The following POLN variants were observed in gnomAD, a reference collection of about 807,000 sequenced individuals.
POLN encodes DNA polymerase nu.
A neutral mutation model predicts 113.5 loss-of-function variants in POLN; 108 were observed. The observed-to-expected ratio is 0.95, with a 90% CI of 0.81 to 1.12. The LOEUF (loss-of-function observed/expected upper bound fraction) is 1.12, where lower values mean the gene tolerates loss of function less well. Among genes scored for constraint, POLN ranks in the 50% most tolerant of loss-of-function variants. POLN has a pLI of 0.00. For missense variants in POLN, 1,097 were observed against 1,077.1 expected, an observed-to-expected ratio of 1.02 and a Z score of -0.26; for synonymous variants, 386 against 391.5, an observed-to-expected ratio of 0.99 and a Z score of 0.17.
chr4:2,170,914 AC>A (rs1307412081), intron 12 of POLN, 140 bp from the exon 13 acceptor site: 5 of 923,618 alleles, frequency 5.4e-6, no homozygotes, highest in Non-Finnish European at 3.3e-6. Flanking sequence ...CTCATTTAGT[AC>A]TTTTCTACAA....
chr4:2,189,087 A>G (rs1733367956), intron 7 of POLN, among the ~76,000 whole-genome samples: 1 of 152,200 alleles, frequency 6.6e-6, no homozygotes, highest in South Asian at 2.1e-4. Context: ...AAATACACAC[A>G]CACACAAAAA....
intron 4 of POLN, among the ~76,000 whole-genome samples, chr4:2,209,377 G>C (rs535005026): frequency 6.6e-6 from 1 of 151,552 alleles, no homozygotes; most frequent in South Asian, 2.1e-4. Context: ...CTACTCAGGA[G>C]GCTGAGGCAG....
intron 20 of POLN, among the ~76,000 whole-genome samples, chr4:2,095,016 TAAG>T (rs1025401145): frequency 6.6e-6 from 1 of 151,892 alleles, no homozygotes; most frequent in Non-Finnish European, 1.5e-5. Context: ...TGAACAGGCT[TAAG>T]AAGGAGCTGG....
intron 19 of POLN, among the ~76,000 whole-genome samples, chr4:2,124,608 G>A (rs997687111): frequency 9.9e-5 from 15 of 152,102 alleles, no homozygotes; most frequent in African/African-American, 3.6e-4. Context: ...TGAATTTTAT[G>A]GTCTGTGAAT....
At chr4:2,165,516 G>C (rs2108744639) in intron 13 of POLN, among the ~76,000 whole-genome samples, 1 of 152,276 alleles carries the variant, frequency 6.6e-6, no homozygotes, top group South Asian at 2.1e-4. Flanking sequence ...TCATACATTT[G>C]TCTAAACCTA....
rs773558169 is a variant in POLN at position 2,208,339 on chromosome 4, T to C, written c.362A>G (p.Gln121Arg). 2.5e-6 allele frequency: 4 copies of C among 1,613,402 alleles called. No individual in the cohort carries two copies. The highest frequency in any genetic ancestry group is 3.4e-6 in the Non-Finnish European group (4 of 1,179,782). ...TAGAACTGAAGCCTCTTGATTATAC[T>C]GTGGAATTAAACAACTTGAAAGAGT... The part of the protein sequence containing the change: ...SLTLSSCLIP[Q>R]YNQEASVLQK... The change falls in exon 5 of 26, where the codon CAG (glutamine) becomes CGG (arginine). Residue 121 changes from glutamine to arginine, a missense_variant. Coordinates refer to ENST00000511885, the MANE Select transcript of POLN (RefSeq NM_181808.4).
chr4:2,212,862 A>G (rs1285114979), intron 4 of POLN, among the ~76,000 whole-genome samples, 185 bp downstream of exon 4: 5 of 151,892 alleles, frequency 3.3e-5, no homozygotes, highest in African/African-American at 1.2e-4. Flanking sequence ...AACTTCTCTC[A>G]TGGCACCTAC....
chr4:2,239,406 T>C (rs1292291292), intron 2 of POLN, among the ~76,000 whole-genome samples: 2 of 152,238 alleles, frequency 1.3e-5, no homozygotes, highest in Admixed American at 6.5e-5. Flanking sequence ...AGTTGGCCAG[T>C]TGATTTTAGC....
chr4:2,165,168 A>G lies in POLN; in HGVS notation c.1554+5511T>C, dbSNP rs572614315. 3.3e-5 allele frequency among the ~76,000 whole-genome samples: 5 copies of G among 152,338 alleles called. No individual in the cohort carries two copies. The South Asian group carries it at 1.0e-3, about 32-fold the overall frequency. ...TTTATTTGTAATTGCCAAAACTTGG[A>G]AACAACCAAGATGTTCTTCGTAGGT... On this transcript the variant is annotated intron_variant, in intron 13 of 25. Coordinates refer to ENST00000511885, the MANE Select transcript of POLN (RefSeq NM_181808.4).
chr4:2,236,419 C>CT (rs1560104524), intron 2 of POLN: 2 of 1,613,022 alleles, frequency 1.2e-6, no homozygotes, highest in Non-Finnish European at 1.7e-6. Context: ...AGAAACAATT[C>CT]TTTTTTCTTA....
intron 2 of POLN, chr4:2,232,026 T>A: frequency 6.6e-7 from 1 of 1,511,792 alleles, no homozygotes; most frequent in Non-Finnish European, 9.1e-7. Context: ...ATACATAGAA[T>A]TCTCTTTCCA....
At chr4:2,135,557 G>C (rs1162915579) in intron 16 of POLN, among the ~76,000 whole-genome samples, 1 of 152,250 alleles carries the variant, frequency 6.6e-6, no homozygotes, top group Admixed American at 6.5e-5. Context: ...GCAAACGCAT[G>C]TTCACAGGTG....
intron 20 of POLN, among the ~76,000 whole-genome samples, chr4:2,092,554 G>A (rs1341691029): frequency 6.6e-6 from 1 of 152,138 alleles, no homozygotes; most frequent in African/African-American, 2.4e-5. Context: ...CGGTGGCTGC[G>A]GGGACTGAGC....
chr4:2,152,378 G>A (rs946662243), intron 16 of POLN, among the ~76,000 whole-genome samples: 1 of 136,742 alleles, frequency 7.3e-6, no homozygotes, highest in African/African-American at 2.8e-5. Context: ...GTCTTGCTCT[G>A]TCACCTAGGG....
chr4:2,096,730 G>GAGAGAGAGAGAGAGAGAC (rs1361778474), intron 19 of POLN, among the ~76,000 whole-genome samples: 3 of 145,666 alleles, frequency 2.1e-5, no homozygotes, highest in African/African-American at 7.7e-5. Flanking sequence ...GAGAGAGAGA[G>GAGAGAGAGAGAGAGAGAC]ACACACAGAG....
At chr4:2,121,643 T>C (rs1257361763) in intron 19 of POLN, among the ~76,000 whole-genome samples, 3 of 152,026 alleles carry the variant, frequency 2.0e-5, no homozygotes, top group Admixed American at 2.0e-4. Context: ...ATTGTTATAG[T>C]ATTCCCTTTT....
At chr4:2,236,232 T>C (rs2108778171) in intron 2 of POLN, 2 of 1,597,070 alleles carry the variant, frequency 1.3e-6, no homozygotes, top group East Asian at 4.5e-5. Context: ...ACCCACCTGA[T>C]CACTAAGCAA....
At chr4:2,193,541 G>A (rs575532164) in intron 6 of POLN, among the ~76,000 whole-genome samples, 2 of 152,130 alleles carry the variant, frequency 1.3e-5, no homozygotes, top group African/African-American at 4.8e-5. Context: ...CAGCTGTCAA[G>A]TGCTTATCCC....
chr4:2,135,137 A>G (rs1244228607), intron 16 of POLN, among the ~76,000 whole-genome samples: 1 of 152,216 alleles, frequency 6.6e-6, no homozygotes. Flanking sequence ...CGCAGGGTTC[A>G]AATGAACAAA....
Sources: allele counts gnomAD v4.1 joint callset (sites outside exome capture counted in the v4.1 genomes callset), GRCh38; gene constraint gnomAD v4.1.1; transcripts MANE v1.5; gene names NCBI Gene and HGNC (gene_info 2026-07-23, HGNC 2026-07-21).